The following ERICH1 variants were observed in gnomAD, a reference collection of about 807,000 sequenced individuals.
The protein encoded by ERICH1 is glutamate rich 1, also known as glutamate-rich protein 1.
ERICH1 carries 56 observed loss-of-function variants against 39.6 expected under a neutral mutation model. The ratio of observed to expected loss-of-function variants is 1.41; its 90% CI spans 1.14 to 1.77. The LOEUF is 1.77. ERICH1 is among the 40% of genes most tolerant of loss of function. ERICH1 has a pLI of 0.00. For synonymous variants in ERICH1, 313 were observed against 223.6 expected, an observed-to-expected ratio of 1.40 and a Z score of -3.57; for missense variants, 826 against 575.4, an observed-to-expected ratio of 1.44 and a Z score of -4.45.
intron 5 of ERICH1, 169 bp downstream of exon 5, chr8:668,429 G>A (rs1371075876): frequency 1.6e-6 from 1 of 643,088 alleles, no homozygotes; most frequent in South Asian, 1.9e-5. Context: ...TTTATATCAA[G>A]CAGAGATGCA....
At chr8:692,840 T>C (rs1447424058) in intron 2 of ERICH1, among the ~76,000 whole-genome samples, 1 of 152,222 alleles carries the variant, frequency 6.6e-6, no homozygotes, top group African/African-American at 2.4e-5. Context: ...CTGCCCATGA[T>C]TGTTTGAATT....
intron 3 of ERICH1, among the ~76,000 whole-genome samples, chr8:642,563 C>G (rs1351070444): frequency 1.3e-5 from 2 of 151,912 alleles, no homozygotes; most frequent in African/African-American, 4.8e-5. Flanking sequence ...CCAGGATGGT[C>G]TCGATCTTCT....
chr8:724,512 G>C (rs565251598), intron 1 of ERICH1, among the ~76,000 whole-genome samples: 1 of 152,142 alleles, frequency 6.6e-6, no homozygotes, highest in Non-Finnish European at 1.5e-5. Flanking sequence ...CGGAGAGGCC[G>C]GCACTGCCCC....
At chr8:663,948 A>G (rs1204746843), downstream of ERICH1, among the ~76,000 whole-genome samples, 3 of 152,040 alleles carry the variant, frequency 2.0e-5, no homozygotes, top group Non-Finnish European at 4.4e-5. Context: ...TTTAATAGAG[A>G]TGGGGTTTCA....
chr8:711,742 C>T (rs146100156), intron 2 of ERICH1, among the ~76,000 whole-genome samples: 2,341 of 152,110 alleles, frequency 0.015, 28 homozygotes, highest in Middle Eastern at 0.037. Context: ...CGTGATCCGC[C>T]CATCTTGGCC....
intron 3 of ERICH1, among the ~76,000 whole-genome samples, chr8:630,844 C>T (rs1308390448): frequency 7.1e-6 from 1 of 140,358 alleles, no homozygotes; most frequent in Admixed American, 7.2e-5. Flanking sequence ...CCTCCCGTGA[C>T]CACCCACTCA....
intron 2 of ERICH1, among the ~76,000 whole-genome samples, chr8:698,730 G>T (rs1810955120): frequency 6.6e-6 from 1 of 151,950 alleles, no homozygotes; most frequent in Non-Finnish European, 1.5e-5. Flanking sequence ...CTCCCTCCTT[G>T]GCCTCCTAAA....
intron 3 of ERICH1, among the ~76,000 whole-genome samples, chr8:649,739 C>T (rs2117297216): frequency 6.6e-6 from 1 of 152,328 alleles, no homozygotes; most frequent in South Asian, 2.1e-4. Flanking sequence ...CCTGGCTGAG[C>T]AGTGTGACCA....
At chr8:683,132 G>A (rs1441730059) in intron 3 of ERICH1, among the ~76,000 whole-genome samples, 1 of 152,218 alleles carries the variant, frequency 6.6e-6, no homozygotes, top group Non-Finnish European at 1.5e-5. Flanking sequence ...CCGGCCTGCT[G>A]AGAAGCATGT....
chr8:653,936 G>A (rs73670350), intron 3 of ERICH1, among the ~76,000 whole-genome samples: 4 of 151,950 alleles, frequency 2.6e-5, no homozygotes, highest in African/African-American at 9.7e-5. Context: ...GAAATGAGCT[G>A]GTCACAGAAG....
At chr8:691,843 G>A (rs1808973418) in intron 3 of ERICH1, among the ~76,000 whole-genome samples, 1 of 152,052 alleles carries the variant, frequency 6.6e-6, no homozygotes, top group African/African-American at 2.4e-5. Flanking sequence ...ACTTTTATTT[G>A]AAAACTCTAA....
chr8:651,938 A>C (rs1343553690), intron 3 of ERICH1, among the ~76,000 whole-genome samples: 1 of 152,182 alleles, frequency 6.6e-6, no homozygotes, highest in Non-Finnish European at 1.5e-5. Context: ...CTTGGTAATA[A>C]ATGTGGCAGG....
rs112180045 is a variant in ERICH1, at chr8:625,407, C to T, written c.977-10123G>A. ...TAGTGTCGTGCCTGTCTACAGGACA[C>T]GTCCACAGAAGTGGACAAATCTACA... is the stretch of plus-strand genomic sequence containing the variant. On this transcript the variant is annotated intron_variant, in intron 3 of 3. Coordinates refer to the ERICH1 transcript ENST00000522706. 7.6e-3 allele frequency among the ~76,000 whole-genome samples: 1,164 copies of T among 152,250 alleles called. 13 individuals carry two copies. Among genetic ancestry groups the T allele is most frequent in the South Asian group, 0.017 (83 of 4,822 alleles).
chr8:656,783 G>A, intron 3 of ERICH1: 12 of 985,486 alleles, frequency 1.2e-5, no homozygotes, highest in Non-Finnish European at 1.4e-5. Flanking sequence ...GTGCACAGCA[G>A]TGGTTCCCAG....
intron 4 of ERICH1, 117 bp from the exon 5 acceptor site, chr8:668,909 A>T: frequency 1.1e-6 from 1 of 889,472 alleles, no homozygotes; most frequent in Non-Finnish European, 1.7e-6. Context: ...AGAATGACAT[A>T]TCTGGGAGAT....
At chr8:675,079 A>G (rs376837985) in intron 3 of ERICH1, among the ~76,000 whole-genome samples, 1 of 152,222 alleles carries the variant, frequency 6.6e-6, no homozygotes, top group East Asian at 1.9e-4. Flanking sequence ...CCATGGATAA[A>G]CCATGGCAGT....
intron 2 of ERICH1, among the ~76,000 whole-genome samples, chr8:700,006 C>A (rs1811508067): frequency 7.2e-6 from 1 of 138,784 alleles, no homozygotes; most frequent in Non-Finnish European, 1.5e-5. Flanking sequence ...CACAGGCGCA[C>A]AGACCCGCAC....
rs971637581 is a variant in ERICH1 at position 672,196 on chromosome 8, T to A, written c.1063+1093A>T. ...GTTACTCCTGGCATGACTGTTGGTC[T>A]GCCCCAAGCTGCTCGATCACACACA... On this transcript the variant is annotated intron_variant, in intron 4 of 5. Transcript: ENST00000262109. The A allele has an allele frequency of 3.9e-5, 6 of 152,332 alleles. No individual in the cohort carries two copies. In the East Asian group the frequency reaches 7.7e-4, roughly 20 times the overall value. The allele number at this position is 152,332 out of a possible 1,614,324, so 9.4% of individuals were successfully genotyped here.
rs1799608417 is a variant in ERICH1, at chr8:648,651, C to T, written c.976+19947G>A. Among the ~76,000 whole-genome samples, 2 of 68,524 alleles carry T rather than the reference C, an allele frequency of 2.9e-5. 1 individual carries two copies. The highest frequency in any genetic ancestry group is 9.1e-5 in the Non-Finnish European group (2 of 21,872). The allele number at this position is 68,524 out of a possible 152,430, so 45.0% of individuals were successfully genotyped here. On this transcript the variant is annotated intron_variant, in intron 3 of 3. Transcript: ENST00000522706. ...GAACACGGGGCTGTCCTGTGGGCAC[C>T]GGCCTGGCACCACCACTGCCAAAAT...
Sources: gnomAD v4.1 joint callset for allele counts (sites outside exome capture counted in the v4.1 genomes callset) on GRCh38, gnomAD v4.1.1 for gene constraint, MANE v1.5 for transcripts, NCBI Gene and HGNC (gene_info 2026-07-23, HGNC 2026-07-21) for gene names.